The following HEMK2 variants were observed in gnomAD, a reference collection of about 807,000 sequenced individuals.
HEMK2 encodes methyltransferase HEMK2.
the HEMK2 span, chr21:28,671,109 AG>A: frequency 6.6e-6 from 1 of 152,230 alleles, no homozygotes. Flanking sequence ...GTATGGAACA[AG>A]GAGGGGCAAG....
At chr21:28,704,539 T>A in the HEMK2 span, among the ~76,000 whole-genome samples, 1 of 142,446 alleles carries the variant, frequency 7.0e-6, no homozygotes, top group Non-Finnish European at 1.5e-5. Flanking sequence ...ATATTCAGCA[T>A]GTTCCAGAAG....
At chr21:28,730,231 A>T in the HEMK2 span, among the ~76,000 whole-genome samples, 1 of 151,920 alleles carries the variant, frequency 6.6e-6, no homozygotes, top group East Asian at 1.9e-4. Flanking sequence ...AAAAGTTTTA[A>T]TTAGCCAGGT....
At chr21:28,594,386 T>C in the HEMK2 span, among the ~76,000 whole-genome samples, 4 of 152,198 alleles carry the variant, frequency 2.6e-5, no homozygotes, top group Non-Finnish European at 5.9e-5. Flanking sequence ...TTGTGACAAA[T>C]GTACCAAACT....
the HEMK2 span, among the ~76,000 whole-genome samples, chr21:28,610,010 C>T: frequency 1.3e-5 from 2 of 152,152 alleles, no homozygotes; most frequent in Admixed American, 6.6e-5. Context: ...AAAACTTCCC[C>T]AGCCTTACTG....
At chr21:28,824,156 A>T in the HEMK2 span, among the ~76,000 whole-genome samples, 8 of 152,182 alleles carry the variant, frequency 5.3e-5, no homozygotes, top group Admixed American at 5.2e-4. Context: ...GACCAATTAA[A>T]TCAGACCCTC....
chr21:28,631,932 A>G, the HEMK2 span, among the ~76,000 whole-genome samples: 46,538 of 152,000 alleles, frequency 0.31, 7,281 homozygotes, highest in African/African-American at 0.35. Flanking sequence ...AATTTATATT[A>G]TTTACATTGC....
At chr21:28,881,420 C>CTGGG in the HEMK2 span, among the ~76,000 whole-genome samples, 1 of 152,152 alleles carries the variant, frequency 6.6e-6, no homozygotes, top group Non-Finnish European at 1.5e-5. Flanking sequence ...AACACTCATT[C>CTGGG]TGGGGCCTCT....
chr21:28,636,207 T>A, the HEMK2 span, among the ~76,000 whole-genome samples: 2 of 152,204 alleles, frequency 1.3e-5, no homozygotes, highest in Non-Finnish European at 2.9e-5. Flanking sequence ...CCACTAATAA[T>A]GGTTCATCCT....
the HEMK2 span, among the ~76,000 whole-genome samples, chr21:28,799,547 C>T: frequency 1.3e-5 from 2 of 152,172 alleles, no homozygotes; most frequent in Admixed American, 6.5e-5. Flanking sequence ...ACATTGTCCT[C>T]TCCTCATCAT....
the HEMK2 span, among the ~76,000 whole-genome samples, chr21:28,680,941 T>C: frequency 2.0e-5 from 3 of 152,084 alleles, no homozygotes; most frequent in African/African-American, 7.2e-5. Context: ...CCACAGCCAA[T>C]ATCATACTGA....
At chr21:28,608,840 C>T in the HEMK2 span, among the ~76,000 whole-genome samples, 1 of 152,154 alleles carries the variant, frequency 6.6e-6, no homozygotes, top group Admixed American at 6.5e-5. Context: ...GCCATCATCC[C>T]CCGGGAAACA....
chr21:28,853,633 T>G, the HEMK2 span, among the ~76,000 whole-genome samples: 2 of 152,136 alleles, frequency 1.3e-5, no homozygotes, highest in Admixed American at 1.3e-4. Flanking sequence ...AGAATCAACA[T>G]TATCTTGCCT....
chr21:28,858,958 AT>A, the HEMK2 span, among the ~76,000 whole-genome samples: 1 of 152,176 alleles, frequency 6.6e-6, no homozygotes, highest in Non-Finnish European at 1.5e-5. Context: ...CAATTATCTT[AT>A]TTGAGAAGAC....
At chr21:28,742,585 A>G in the HEMK2 span, among the ~76,000 whole-genome samples, 1 of 152,166 alleles carries the variant, frequency 6.6e-6, no homozygotes, top group Non-Finnish European at 1.5e-5. Context: ...CCATGAGAGT[A>G]AACATGAAAA....
the HEMK2 span, among the ~76,000 whole-genome samples, chr21:28,837,686 C>T: frequency 6.6e-6 from 1 of 151,790 alleles, no homozygotes; most frequent in Admixed American, 6.6e-5. Flanking sequence ...AAGGAAATAA[C>T]CAAGATCAGA....
the HEMK2 span, among the ~76,000 whole-genome samples, chr21:28,811,446 AG>A: frequency 8.0e-6 from 1 of 125,268 alleles, no homozygotes; most frequent in Non-Finnish European, 1.6e-5. Context: ...GGACGGACGC[AG>A]GGAGGGAGGG....
chr21:28,727,188 G>A, the HEMK2 span, among the ~76,000 whole-genome samples: 5 of 152,310 alleles, frequency 3.3e-5, no homozygotes, highest in South Asian at 8.3e-4. Flanking sequence ...GGGATTTGAG[G>A]ATCTGGAGGT....
the HEMK2 span, among the ~76,000 whole-genome samples, chr21:28,632,187 T>C: frequency 6.6e-6 from 1 of 152,216 alleles, no homozygotes; most frequent in Non-Finnish European, 1.5e-5. Context: ...CATAAGCAAT[T>C]ATGATGGTTA....
the HEMK2 span, among the ~76,000 whole-genome samples, chr21:28,782,505 C>A: frequency 3.3e-5 from 5 of 152,258 alleles, no homozygotes; most frequent in African/African-American, 1.2e-4. Context: ...CACTAACCCA[C>A]AAATTATACC....
Sources: allele counts gnomAD v4.1 joint callset (sites outside exome capture counted in the v4.1 genomes callset), GRCh38; gene constraint gnomAD v4.1.1; transcripts MANE v1.5; gene names NCBI Gene and HGNC (gene_info 2026-07-23, HGNC 2026-07-21).